EIF2B3: variants seen among roughly 807,000 people sequenced by gnomAD.
The protein encoded by EIF2B3 is translation initiation factor eIF2B subunit gamma.
In EIF2B3, 20 loss-of-function variants were observed where a neutral mutation model predicts 54.1. That is an observed-to-expected ratio of 0.37 (90% CI 0.26 to 0.54). The LOEUF is 0.54. EIF2B3 is among the 20% of genes least tolerant of loss of function. The probability of loss-of-function intolerance (pLI) is 0.86; values close to 1 mark genes in which losing one functional copy is unlikely to be tolerated. For synonymous variants in EIF2B3, 153 were observed against 188.1 expected (o/e 0.81, Z 1.52); for missense variants, 448 against 547.8 (o/e 0.82, Z 1.82).
intron 10 of EIF2B3, among the ~76,000 whole-genome samples, chr1:44,859,473 C>T (rs566148438): frequency 2.0e-5 from 3 of 152,140 alleles, no homozygotes; most frequent in African/African-American, 7.2e-5. Flanking sequence ...CCATGGCCAA[C>T]ATGGTGAAAC....
intron 2 of EIF2B3, among the ~76,000 whole-genome samples, chr1:44,980,657 A>C (rs902079383): frequency 1.3e-5 from 2 of 152,132 alleles, no homozygotes; most frequent in Admixed American, 6.6e-5. Context: ...TGGTACTTAC[A>C]TCAAAACAAA....
intron 5 of EIF2B3, among the ~76,000 whole-genome samples, chr1:44,916,218 CATTTT>C (rs2148925756): frequency 6.6e-6 from 1 of 151,834 alleles, no homozygotes; most frequent in South Asian, 2.1e-4. Context: ...CAATTCTTGG[CATTTT>C]ATTTTATTTT....
At chr1:44,901,255 A>G (rs190991068) in intron 5 of EIF2B3, among the ~76,000 whole-genome samples, 1 of 152,000 alleles carries the variant, frequency 6.6e-6, no homozygotes, top group East Asian at 1.9e-4. Flanking sequence ...AGGTGAGATT[A>G]CAAGCGCCCA....
At chr1:44,939,436 G>A (rs533797425) in intron 4 of EIF2B3, among the ~76,000 whole-genome samples, 11 of 152,134 alleles carry the variant, frequency 7.2e-5, no homozygotes, top group Non-Finnish European at 1.5e-4. Context: ...AATAGTTACA[G>A]TTAATTTAAA....
Position 44,926,742 on chromosome 1 carries a change from G to C in EIF2B3, c.455-3C>G. Reference sequence around the variant, plus strand: ...TCCAATGAAGTCACGCTGCTCCACTGAATCATACAAAAGAAAAAAAAAATC... The same window carrying C: ...TCCAATGAAGTCACGCTGCTCCACTCAATCATACAAAAGAAAAAAAAAATC... On this transcript the variant is annotated splice_polypyrimidine_tract_variant and splice_region_variant and intron_variant, in intron 4 of 11. Transcript: ENST00000360403. 6.2e-7 allele frequency: 1 copy of C among 1,611,050 alleles called. No individual in the cohort carries two copies. The highest frequency in any genetic ancestry group is 8.5e-7 in the Non-Finnish European group (1 of 1,178,516).
chr1:44,978,365 C>T lies in EIF2B3; in HGVS notation c.244G>A (p.Ala82Thr), dbSNP rs776568212. 26 of 1,613,894 alleles carry T rather than the reference C, an allele frequency of 1.6e-5. No individual in the cohort carries two copies. Among genetic ancestry groups the T allele is most frequent in the South Asian group, 7.7e-5 (7 of 91,086 alleles). ...KPDIVCIPDD[A>T]DMGTADSLRY... is the part of the protein sequence containing the mutation. ...AAAGAATCTGCAGTTCCCATGTCAGCGTCATCAGGAATACACACAATATCT... is the reference window on the plus strand; with the variant it reads ...AAAGAATCTGCAGTTCCCATGTCAGTGTCATCAGGAATACACACAATATCT... The change falls in exon 3 of 12, where the codon GCT becomes ACT. Residue 82 changes from alanine (A) to threonine (T), a missense_variant. By Grantham distance (58) the Ala-to-Thr change is moderately conservative. Transcript: ENST00000360403.
chr1:44,973,396 A>G (rs1388914521), intron 3 of EIF2B3, among the ~76,000 whole-genome samples: 1 of 152,218 alleles, frequency 6.6e-6, no homozygotes, highest in Non-Finnish European at 1.5e-5. Flanking sequence ...GCAGTATGCT[A>G]CAATATGGAT....
At chr1:44,885,848 C>T (rs1383526608) in intron 6 of EIF2B3, among the ~76,000 whole-genome samples, 1 of 151,846 alleles carries the variant, frequency 6.6e-6, no homozygotes, top group Non-Finnish European at 1.5e-5. Context: ...GATTCTCCTG[C>T]CTCAGCCTTT....
chr1:44,944,312 CT>C (rs1390769206), intron 3 of EIF2B3, among the ~76,000 whole-genome samples: 3 of 152,142 alleles, frequency 2.0e-5, no homozygotes, highest in Non-Finnish European at 4.4e-5. Flanking sequence ...TAAGCTTTGT[CT>C]TGGAAAACCA....
chr1:44,941,509 C>CTTTTTTTTTT lies in EIF2B3; in HGVS notation c.450_451insAAAAAAAAAA (p.Ala151LysfsTer9). On this transcript the variant is annotated frameshift_variant, in exon 4 of 12. Coordinates refer to ENST00000360403, the MANE Select transcript of EIF2B3 (RefSeq NM_020365.5). LOFTEE classifies it high-confidence loss of function. ...AACAAACTCCAATCTTCCTTACCTG[C>CTTTTTTTTTT]TTTTTTTTTCCCCTTTTGACCGGGA... 1.3e-6 allele frequency: 2 copies of CTTTTTTTTTT among 1,592,214 alleles called. No homozygotes were observed. The highest frequency in any genetic ancestry group is 3.5e-5 in the Admixed American group (2 of 57,216).
intron 3 of EIF2B3, chr1:44,958,828 G>C: frequency 9.5e-7 from 1 of 1,050,660 alleles, no homozygotes; most frequent in Non-Finnish European, 1.5e-6. Context: ...GTTAGCTCCT[G>C]AGCAGTGGGC....
intron 5 of EIF2B3, among the ~76,000 whole-genome samples, chr1:44,919,518 G>A (rs1365066266): frequency 3.9e-5 from 6 of 151,940 alleles, no homozygotes; most frequent in East Asian, 1.9e-4. Context: ...GCTCCAAATC[G>A]TCTCAAAATG....
chr1:44,911,938 T>C (rs1643525515), intron 5 of EIF2B3, among the ~76,000 whole-genome samples: 1 of 146,714 alleles, frequency 6.8e-6, no homozygotes, highest in African/African-American at 2.5e-5. Flanking sequence ...TTCCCACCTA[T>C]GAGTGAGAAC....
At chr1:44,928,944 C>G (rs1643875482) in intron 4 of EIF2B3, among the ~76,000 whole-genome samples, 2 of 152,182 alleles carry the variant, frequency 1.3e-5, no homozygotes, top group Admixed American at 6.5e-5. Context: ...AATCCCAGCT[C>G]AGCCAATTAC....
intron 5 of EIF2B3, chr1:44,925,286 A>G (rs1349417239): frequency 2.6e-5 from 4 of 152,228 alleles, no homozygotes; most frequent in Non-Finnish European, 4.4e-5. Flanking sequence ...CAGCAACTCA[A>G]ATGTCTGTCA....
chr1:44,980,517 T>C (rs1175198464), intron 2 of EIF2B3, among the ~76,000 whole-genome samples: 1 of 152,088 alleles, frequency 6.6e-6, no homozygotes, highest in Non-Finnish European at 1.5e-5. Context: ...TTCCTTTTCC[T>C]ACTTAATGGC....
At chr1:44,887,633 A>G (rs560583480) in intron 6 of EIF2B3, among the ~76,000 whole-genome samples, 1 of 152,340 alleles carries the variant, frequency 6.6e-6, no homozygotes, top group East Asian at 1.9e-4. Flanking sequence ...AGATTTCAAT[A>G]TTTTTATTTA....
At chr1:44,893,604 G>C (rs886672853) in intron 6 of EIF2B3, among the ~76,000 whole-genome samples, 1 of 151,990 alleles carries the variant, frequency 6.6e-6, no homozygotes, top group Middle Eastern at 3.4e-3. Context: ...ATGAATATAT[G>C]TGAAAAGCAC....
intron 3 of EIF2B3, among the ~76,000 whole-genome samples, chr1:44,943,585 A>AATTTTT (rs1224671683): frequency 1.3e-5 from 2 of 151,074 alleles, no homozygotes; most frequent in Non-Finnish European, 2.9e-5. Flanking sequence ...ACACCTGGCT[A>AATTTTT]ATTTTTATTT....
Sources: gnomAD v4.1 joint callset for allele counts (sites outside exome capture counted in the v4.1 genomes callset) on GRCh38, gnomAD v4.1.1 for gene constraint, MANE v1.5 for transcripts, NCBI Gene and HGNC (gene_info 2026-07-23, HGNC 2026-07-21) for gene names.